Variants in CLYBL observed in about 807,000 individuals in gnomAD.
CLYBL encodes the protein citramalyl-CoA lyase, mitochondrial.
In CLYBL, 31 loss-of-function variants were observed where a neutral mutation model predicts 38.9. The observed-to-expected ratio is 0.80, with a 90% CI of 0.60 to 1.08. The LOEUF is 1.08. CLYBL is among the 50% of genes least tolerant of loss of function. The pLI is 0.00. For synonymous variants in CLYBL, 171 were observed against 158.6 expected (o/e 1.08, Z -0.59); for missense variants, 434 against 411.6 (o/e 1.05, Z -0.47).
At chr13:99,631,276 A>G (rs975492321) in intron 1 of CLYBL, among the ~76,000 whole-genome samples, 1 of 151,928 alleles carries the variant, frequency 6.6e-6, no homozygotes, top group African/African-American at 2.4e-5. Context: ...GACCTGAGAT[A>G]GTGCCACTGC....
intron 1 of CLYBL, among the ~76,000 whole-genome samples, chr13:99,751,226 TG>T (rs2048950833): frequency 6.6e-6 from 1 of 151,106 alleles, no homozygotes; most frequent in South Asian, 2.1e-4. Flanking sequence ...GAAGTTTTTT[TG>T]TTTTTTTTTT....
At chr13:99,794,508 A>G (rs896102649) in intron 2 of CLYBL, among the ~76,000 whole-genome samples, 30 of 152,158 alleles carry the variant, frequency 2.0e-4, no homozygotes, top group African/African-American at 7.0e-4. Context: ...TCATATCAAA[A>G]CATAGTATTC....
Position 99,819,421 on chromosome 13 carries a change from TATATATATATATA to T in CLYBL, c.250-39439_250-39427del, listed in dbSNP as rs1566340053. The stretch of plus-strand genomic sequence containing the variant: ...TATTATCACTGGGAAAAAATTTATA[TATATATATATATA>T]TATATATATATATATATATATATAT... On this transcript the variant is annotated intron_variant, in intron 2 of 8. Transcript: ENST00000339105. Among the ~76,000 whole-genome samples the T allele has an allele frequency of 3.8e-3, 38 of 10,090 alleles. 1 individual carries two copies. Among genetic ancestry groups the T allele is most frequent in the African/African-American group, 0.016 (37 of 2,382 alleles). 6.6% of individuals were successfully genotyped at this position (10,090 alleles called of 152,430 possible).
chr13:99,703,692 G>A (rs2048105522), intron 1 of CLYBL, among the ~76,000 whole-genome samples: 1 of 151,996 alleles, frequency 6.6e-6, no homozygotes, highest in South Asian at 2.1e-4. Context: ...TTTTATACAT[G>A]TCCTTTACAC....
chr13:99,900,689 C>A (rs1328771429), downstream of CLYBL, among the ~76,000 whole-genome samples: 1 of 152,186 alleles, frequency 6.6e-6, no homozygotes, highest in Non-Finnish European at 1.5e-5. Context: ...ACACAGCTTC[C>A]TCCTCCCTCG....
At position 99,811,186 on chromosome 13, in the gene CLYBL, CAAT is replaced by C. The variant is rs1322882929; in HGVS notation, c.249+38179_249+38181del. 4.6e-5 allele frequency among the ~76,000 whole-genome samples: 7 copies of C among 152,136 alleles called. No individual in the cohort carries two copies. The East Asian group carries it at 1.3e-3, about 29-fold the overall frequency. On this transcript the variant is annotated intron_variant, in intron 2 of 8. Coordinates refer to ENST00000339105, the MANE Select transcript of CLYBL (RefSeq NM_206808.5). ...TCCCTCCTGGTGACAGTCCAGAAAA[CAAT>C]AAAAACAGATGCAAGTCCCACTGTG...
chr13:99,899,228 GCCTTGCCCAAGAC>G, downstream of CLYBL, among the ~76,000 whole-genome samples: 1 of 152,328 alleles, frequency 6.6e-6, no homozygotes, highest in South Asian at 2.1e-4. Flanking sequence ...CCACCCCGCT[GCCTTGCCCAAGAC>G]CCTTCCAGGG....
intron 1 of CLYBL, among the ~76,000 whole-genome samples, chr13:99,635,199 G>A (rs2047001479): frequency 6.6e-6 from 1 of 152,020 alleles, no homozygotes; most frequent in African/African-American, 2.4e-5. Context: ...GTTTCATTAG[G>A]TCTTCGTAAT....
rs144112434 is a variant in CLYBL at position 99,874,738 on chromosome 13, C to T, written c.927+3676C>T. Among the ~76,000 whole-genome samples, 611 of 152,204 alleles carry T rather than the reference C, an allele frequency of 4.0e-3. 22 individuals carry two copies. The highest frequency in any genetic ancestry group is 0.036 in the Admixed American group (556 of 15,288). ...TCAAATCTATATTATGAGCTTAGTG[C>T]TAAAGTTTTTATCTTTCCATATTCA... On this transcript the variant is annotated intron_variant, in intron 7 of 8. Transcript: ENST00000339105.
chr13:99,701,784 C>T (rs1425671208), intron 1 of CLYBL, among the ~76,000 whole-genome samples: 1 of 152,184 alleles, frequency 6.6e-6, no homozygotes, highest in Non-Finnish European at 1.5e-5. Context: ...TAGTGATTCT[C>T]CTGCCTCAGC....
chr13:99,678,333 C>T (rs1430666135), intron 1 of CLYBL, among the ~76,000 whole-genome samples: 3 of 152,144 alleles, frequency 2.0e-5, no homozygotes, highest in Non-Finnish European at 1.5e-5. Context: ...ATTGTGGAAG[C>T]CTTGATTCAC....
Position 99,751,660 on chromosome 13 carries a change from G to A in CLYBL, c.63-21164G>A, listed in dbSNP as rs186755561. Among the ~76,000 whole-genome samples the A allele has an allele frequency of 1.5e-3, 225 of 152,370 alleles. 1 individual carries two copies. Among genetic ancestry groups the A allele is most frequent in the African/African-American group, 5.3e-3 (221 of 41,596 alleles). ...AATGGCGGTTGCCAAGGGCCGAGGG[G>A]AGGAGGGAATGGGGAATTCATGTGT... On this transcript the variant is annotated intron_variant, in intron 1 of 8. Transcript: ENST00000339105.
At chr13:99,858,661 G>A (rs9300570) in intron 2 of CLYBL, among the ~76,000 whole-genome samples, 200 bp from the exon 3 acceptor site, 5,382 of 152,178 alleles carry the variant, frequency 0.035, 322 homozygotes, top group African/African-American at 0.12. Flanking sequence ...TATAGCTATC[G>A]CGAATGAAAC....
intron 1 of CLYBL, among the ~76,000 whole-genome samples, chr13:99,664,452 A>G (rs1196457259): frequency 6.6e-6 from 1 of 152,206 alleles, no homozygotes; most frequent in Non-Finnish European, 1.5e-5. Flanking sequence ...TGGAGAATGG[A>G]TGTTTTATTT....
At chr13:99,846,844 C>T (rs1030345408) in intron 2 of CLYBL, among the ~76,000 whole-genome samples, 3 of 152,204 alleles carry the variant, frequency 2.0e-5, no homozygotes, top group African/African-American at 7.2e-5. Flanking sequence ...GAGTCTCCTA[C>T]AGCAACGTGG....
intron 2 of CLYBL, among the ~76,000 whole-genome samples, chr13:99,825,463 T>C (rs549158616): frequency 6.8e-4 from 103 of 152,284 alleles, no homozygotes; most frequent in African/African-American, 2.4e-3. Flanking sequence ...ATGACACACT[T>C]TTGTTCCAGG....
In CLYBL at chr13:99,820,417, A is replaced by G. The variant is rs2050565471; in HGVS notation, c.250-38444A>G. Among the ~76,000 whole-genome samples the G allele has an allele frequency of 2.0e-5, 3 of 152,274 alleles. No individual in the cohort carries two copies. In the South Asian group the frequency reaches 6.2e-4, roughly 32 times the overall value. Reference sequence around the variant, plus strand: ...AAACAATCACTCAGAAACTTACCATAGTAACAGCCCAGCAATCAATGGACT... The same window carrying G: ...AAACAATCACTCAGAAACTTACCATGGTAACAGCCCAGCAATCAATGGACT... On this transcript the variant is annotated intron_variant, in intron 2 of 8. Coordinates refer to ENST00000339105, the MANE Select transcript of CLYBL (RefSeq NM_206808.5).
chr13:99,866,934 C>T (rs1483071288), intron 6 of CLYBL, among the ~76,000 whole-genome samples: 1 of 152,128 alleles, frequency 6.6e-6, no homozygotes, highest in Non-Finnish European at 1.5e-5. Context: ...GTGTACCTGG[C>T]GACACCTACG....
chr13:99,871,069 GT>G lies in CLYBL; in HGVS notation c.927+11del. The G allele has an allele frequency of 6.2e-7, 1 of 1,613,770 alleles. No individual in the cohort carries two copies. Among genetic ancestry groups the G allele is most frequent in the Admixed American group, 1.7e-5 (1 of 60,014 alleles). On this transcript the variant is annotated splice_region_variant and intron_variant, in intron 7 of 8. Coordinates refer to ENST00000339105, the MANE Select transcript of CLYBL (RefSeq NM_206808.5). The stretch of plus-strand genomic sequence containing the variant: ...ACATCAACAATTAGGAAAGGTAAAT[GT>G]TTTGTTAATGCCTTGGGTGAGAGCA...
Sources: allele counts gnomAD v4.1 joint callset (sites outside exome capture counted in the v4.1 genomes callset), GRCh38; gene constraint gnomAD v4.1.1; transcripts MANE v1.5; gene names NCBI Gene and HGNC (gene_info 2026-07-23, HGNC 2026-07-21).